The following LIMCH1 variants were observed in gnomAD, a reference collection of about 807,000 sequenced individuals.
The protein encoded by LIMCH1 is LIM and calponin homology domains 1, also known as LIM and calponin homology domains-containing protein 1.
In LIMCH1, 113 loss-of-function variants were observed where a neutral mutation model predicts 176.5. That is an observed-to-expected ratio of 0.64 (90% CI 0.55 to 0.75). The LOEUF is 0.75. LIMCH1 is among the 30% of genes least tolerant of loss of function. The pLI is 0.00. For missense variants in LIMCH1, 1,674 were observed against 1,814.9 expected (o/e 0.92, Z 1.41); for synonymous variants, 619 against 645.9 (o/e 0.96, Z 0.63).
At chr4:41,573,592 C>T (rs1209219730) in intron 1 of LIMCH1, among the ~76,000 whole-genome samples, 1 of 152,206 alleles carries the variant, frequency 6.6e-6, no homozygotes, top group Non-Finnish European at 1.5e-5. Flanking sequence ...TTTCCCACAT[C>T]AATGTGCAAT....
chr4:41,520,736 T>C (rs2076037732), intron 2 of LIMCH1, among the ~76,000 whole-genome samples: 1 of 152,198 alleles, frequency 6.6e-6, no homozygotes. Context: ...ATTTTCTTTA[T>C]TTTTATTTGT....
In LIMCH1 at chr4:41,360,833, C is replaced by A; in HGVS notation, c.-8C>A. On this transcript the variant is annotated 5_prime_UTR_variant, in exon 1 of 27. Transcript: ENST00000313860. This position sits in a 1 kb window ranked among gnomAD's most constrained non-coding sequence, Gnocchi z 4.5. ...TCCCGGCGCTTGAGAGGACGCGGGG[C>A]TGCGCAAATGGCTTGTCCCGCTCTC... 1 of 1,546,746 alleles carries A rather than the reference C, an allele frequency of 6.5e-7. No homozygotes were observed. Among genetic ancestry groups the A allele is most frequent in the East Asian group, 2.5e-5 (1 of 40,226 alleles).
chr4:41,589,791 C>G (rs1213648470), intron 1 of LIMCH1, among the ~76,000 whole-genome samples: 2 of 152,162 alleles, frequency 1.3e-5, no homozygotes, highest in Non-Finnish European at 2.9e-5. Flanking sequence ...GCTGGTGATT[C>G]CCAAACCTAC....
chr4:41,367,075 C>T (rs1169240832), intron 1 of LIMCH1, among the ~76,000 whole-genome samples: 2 of 152,208 alleles, frequency 1.3e-5, no homozygotes, highest in African/African-American at 4.8e-5. Flanking sequence ...TGAGAACTCA[C>T]TCACCATCAT....
chr4:41,391,338 G>A (rs2057215718), intron 1 of LIMCH1, among the ~76,000 whole-genome samples: 1 of 152,116 alleles, frequency 6.6e-6, no homozygotes, highest in Admixed American at 6.5e-5. Context: ...CGTGCCACCT[G>A]GATTTTATAT....
chr4:41,603,805 CA>C lies in LIMCH1; in HGVS notation c.-133-69del, dbSNP rs1253440145. On this transcript the variant is annotated intron_variant, in intron 2 of 31. Coordinates refer to ENST00000503057, the MANE Select transcript of LIMCH1 (RefSeq NM_001330672.2). Reference sequence around the variant, plus strand: ...GTTAGCTTCAAGTACATCTTAGTGGCATTTAAGGAAAGGTCACAATTTAGAA... The same window carrying C: ...GTTAGCTTCAAGTACATCTTAGTGGCTTTAAGGAAAGGTCACAATTTAGAA... The C allele has an allele frequency of 3.9e-6, 4 of 1,018,132 alleles. No individual in the cohort carries two copies. In the African/African-American group the frequency reaches 6.3e-5, roughly 16 times the overall value. The allele number at this position is 1,018,132 out of a possible 1,614,324, so 63.1% of individuals were successfully genotyped here.
At chr4:41,688,513 G>T (rs993065024) in intron 29 of LIMCH1, among the ~76,000 whole-genome samples, 1 of 152,132 alleles carries the variant, frequency 6.6e-6, no homozygotes, top group African/African-American at 2.4e-5. Context: ...ATTTGATTGG[G>T]GAACTCTTCC....
intron 1 of LIMCH1, among the ~76,000 whole-genome samples, chr4:41,381,372 T>C (rs1175266107): frequency 6.6e-6 from 1 of 152,186 alleles, no homozygotes; most frequent in Non-Finnish European, 1.5e-5. Context: ...AGTGCAGTAT[T>C]TTAAACACCC....
chr4:41,375,671 C>G (rs2054647047), intron 1 of LIMCH1, among the ~76,000 whole-genome samples: 1 of 152,226 alleles, frequency 6.6e-6, no homozygotes, highest in Admixed American at 6.5e-5. Flanking sequence ...GTGTGCAGCT[C>G]TGTGCCTGAG....
intron 2 of LIMCH1, among the ~76,000 whole-genome samples, chr4:41,506,691 C>G (rs1255605706): frequency 1.3e-5 from 2 of 152,096 alleles, no homozygotes; most frequent in African/African-American, 4.8e-5. Flanking sequence ...TATTAATTGA[C>G]TATTAAGAAT....
intron 13 of LIMCH1, among the ~76,000 whole-genome samples, chr4:41,634,557 A>G (rs902668818): frequency 2.2e-4 from 34 of 152,210 alleles, no homozygotes; most frequent in Non-Finnish European, 4.4e-4. Flanking sequence ...GATTTTTAAA[A>G]AATCAATACC....
intron 2 of LIMCH1, among the ~76,000 whole-genome samples, chr4:41,518,915 ATT>A (rs35334550): frequency 6.6e-6 from 1 of 151,404 alleles, no homozygotes; most frequent in East Asian, 1.9e-4. Flanking sequence ...ACATGAACAC[ATT>A]TTTTTTTACG....
intron 2 of LIMCH1, among the ~76,000 whole-genome samples, chr4:41,519,333 G>A (rs1242218653): frequency 5.9e-5 from 9 of 152,188 alleles, no homozygotes; most frequent in Non-Finnish European, 1.2e-4. Context: ...ATAAATGCTT[G>A]TTGAGTACAT....
intron 18 of LIMCH1, among the ~76,000 whole-genome samples, chr4:41,651,682 G>A (rs532094187): frequency 1.1e-4 from 16 of 152,116 alleles, no homozygotes; most frequent in East Asian, 1.9e-4. Flanking sequence ...CATCCCCGGC[G>A]ATGTATATAT....
chr4:41,612,060 G>A (rs887201506), intron 4 of LIMCH1, among the ~76,000 whole-genome samples: 3 of 152,128 alleles, frequency 2.0e-5, no homozygotes, highest in African/African-American at 4.8e-5. Context: ...CTGTTCTTCA[G>A]GGCATTAATC....
At chr4:41,557,583 A>G (rs990381409) in intron 1 of LIMCH1, among the ~76,000 whole-genome samples, 2 of 120,626 alleles carry the variant, frequency 1.7e-5, no homozygotes, top group African/African-American at 8.4e-5. Flanking sequence ...TGTAATTAGA[A>G]TGATGAGGAG....
chr4:41,438,844 T>G (rs1252393590), intron 1 of LIMCH1, among the ~76,000 whole-genome samples: 1 of 152,234 alleles, frequency 6.6e-6, no homozygotes, highest in Non-Finnish European at 1.5e-5. Flanking sequence ...CTCAGCAAGA[T>G]GAGTCCTGCC....
chr4:41,487,624 T>C (rs2069859534), intron 1 of LIMCH1, among the ~76,000 whole-genome samples: 1 of 152,012 alleles, frequency 6.6e-6, no homozygotes, highest in South Asian at 2.1e-4. Flanking sequence ...CAATTTAGGT[T>C]GTATGTGGGG....
At chr4:41,383,631 C>T (rs1027381776) in intron 1 of LIMCH1, among the ~76,000 whole-genome samples, 4 of 152,078 alleles carry the variant, frequency 2.6e-5, no homozygotes, top group Admixed American at 1.3e-4. Context: ...CATTGTATGG[C>T]GCTTTTAATA....
Sources: allele counts gnomAD v4.1 joint callset (sites outside exome capture counted in the v4.1 genomes callset), GRCh38; gene constraint gnomAD v4.1.1; non-coding constraint Gnocchi (gnomAD v3.1); transcripts MANE v1.5; gene names NCBI Gene and HGNC (gene_info 2026-07-23, HGNC 2026-07-21).